The following GCKR variants were observed in gnomAD, a reference collection of about 807,000 sequenced individuals.
GCKR encodes glucokinase regulatory protein.
Under a neutral mutation model 82.9 loss-of-function variants are expected in GCKR, and 73 were observed. The ratio of observed to expected loss-of-function variants is 0.88; its 90% CI spans 0.73 to 1.07. The LOEUF (loss-of-function observed/expected upper bound fraction) is 1.07. Ranked by LOEUF, GCKR falls within the 50% of genes least tolerant of loss-of-function variation. The probability of loss-of-function intolerance (pLI) is 0.00; values close to 1 mark genes in which losing one functional copy is unlikely to be tolerated. For missense variants in GCKR, 784 were observed against 782.1 expected (o/e 1.00, Z -0.03); for synonymous variants, 294 against 291.8 (o/e 1.01, Z -0.08).
chr2:27,512,571 G>C (rs966705071), intron 16 of GCKR, among the ~76,000 whole-genome samples: 4 of 151,578 alleles, frequency 2.6e-5, no homozygotes, highest in Non-Finnish European at 5.9e-5. Context: ...GGAGATGCCT[G>C]ATATGTTATA....
At chr2:27,497,723 C>G (rs554607486) in intron 3 of GCKR, 93 bp downstream of exon 3, 15 of 799,210 alleles carry the variant, frequency 1.9e-5, no homozygotes, top group African/African-American at 5.1e-5. Flanking sequence ...AGATCTCATT[C>G]TCCTTTCTCC....
rs775960536 is a variant in GCKR, at chr2:27,501,221, C to T, written c.636C>T (p.Ser212=). 1 of 1,610,294 alleles carries T rather than the reference C, an allele frequency of 6.2e-7. No homozygotes were observed. The highest frequency in any genetic ancestry group is 8.5e-7 in the Non-Finnish European group (1 of 1,176,476). ...TCCTGGTTGGCTTCAATCCAGTGAG[C>T]ATGGCCAGGTGAGCCTTCTGGAATG... ...LPVLVGFNPV[S]MARNDPIEDW... Residue 212 remains serine, a synonymous_variant, in exon 8 of 19, where the codon AGC becomes AGT. Transcript: ENST00000264717.
Position 27,506,580 on chromosome 2 carries a change from G to C in GCKR, c.968+1G>C, listed in dbSNP as rs1669751781. Reference sequence around the variant, plus strand: ...CCCTGATGAAGAGTGTCAGCACCAGGTGTGTGGATATGTGTTTAGAGGTGA... The same window carrying C: ...CCCTGATGAAGAGTGTCAGCACCAGCTGTGTGGATATGTGTTTAGAGGTGA... On this transcript the variant is annotated splice_donor_variant, in intron 11 of 18. Coordinates refer to ENST00000264717, the MANE Select transcript of GCKR (RefSeq NM_001486.4). LOFTEE classifies it high-confidence loss of function. 12 of 1,599,148 alleles carry C rather than the reference G, an allele frequency of 7.5e-6. No individual in the cohort carries two copies. The highest frequency in any genetic ancestry group is 1.1e-5 in the South Asian group (1 of 90,786).
intron 17 of GCKR, among the ~76,000 whole-genome samples, chr2:27,519,448 C>T (rs1339933827): frequency 6.6e-6 from 1 of 151,896 alleles, no homozygotes; most frequent in Admixed American, 6.6e-5. Flanking sequence ...ATTACAGGCA[C>T]CCCCCACCAT....
chr2:27,502,659 G>A (rs562255279), intron 8 of GCKR, among the ~76,000 whole-genome samples: 4 of 152,264 alleles, frequency 2.6e-5, no homozygotes, highest in African/African-American at 9.6e-5. Context: ...AGAATGACAG[G>A]AGACATTTTA....
At position 27,503,576 on chromosome 2, in the gene GCKR, T is replaced by C; in HGVS notation, c.707T>C (p.Met236Thr). The stretch of plus-strand genomic sequence containing the variant: ...CAAGTAGCAGAGCGGATGCAGAAAA[T>C]GCAGGAGAAACAGAAAGCTTTTGTG... Reference protein sequence around the residue: ...FRQVAERMQKMQEKQKAFVLN... With the variant: ...FRQVAERMQKTQEKQKAFVLN... Residue 236 changes from methionine to threonine, a missense_variant, in exon 9 of 19, where the codon ATG (methionine) becomes ACG (threonine). Coordinates refer to ENST00000264717, the MANE Select transcript of GCKR (RefSeq NM_001486.4). 1 of 1,611,558 alleles carries C rather than the reference T, an allele frequency of 6.2e-7. No homozygotes were observed. The highest frequency in any genetic ancestry group is 8.5e-7 in the Non-Finnish European group (1 of 1,177,738).
chr2:27,505,703 T>C lies in GCKR; in HGVS notation c.751-15T>C, dbSNP rs778159934. On this transcript the variant is annotated splice_polypyrimidine_tract_variant and intron_variant, in intron 9 of 18. Coordinates refer to ENST00000264717, the MANE Select transcript of GCKR (RefSeq NM_001486.4). ...ATCCTCTCCCAATTCCTCTTGGGTG[T>C]CTTCACCTCTTCAGCCCGAGGGTCT... 1.7e-5 allele frequency: 24 copies of C among 1,438,130 alleles called. No individual in the cohort carries two copies. The highest frequency in any genetic ancestry group is 2.4e-5 in the Non-Finnish European group (24 of 1,020,634). 89.1% of individuals were successfully genotyped at this position (1,438,130 alleles called of 1,614,324 possible).
intron 16 of GCKR, among the ~76,000 whole-genome samples, chr2:27,509,065 C>T: frequency 6.6e-6 from 1 of 152,146 alleles, no homozygotes; most frequent in East Asian, 1.9e-4. Flanking sequence ...CGGTCTAGCT[C>T]TACAGTGTGG....
At chr2:27,503,480 C>A (rs569337877) in intron 8 of GCKR, 34 bp from the exon 9 acceptor site, 22 of 1,128,676 alleles carry the variant, frequency 1.9e-5, no homozygotes, top group Non-Finnish European at 1.8e-5. Flanking sequence ...TCCTCATAGA[C>A]AATCTCCCCA....
At chr2:27,502,742 T>C (rs1402106282) in intron 8 of GCKR, among the ~76,000 whole-genome samples, 1 of 152,114 alleles carries the variant, frequency 6.6e-6, no homozygotes, top group Non-Finnish European at 1.5e-5. Flanking sequence ...ACAAAAATAG[T>C]TCAAGAAGGG....
rs757507939 is a variant in GCKR, at chr2:27,506,820, G to A, written c.1001G>A (p.Gly334Asp). 3.1e-6 allele frequency: 5 copies of A among 1,613,550 alleles called. No homozygotes were observed. The highest frequency in any genetic ancestry group is 4.2e-6 in the Non-Finnish European group (5 of 1,179,474). Residue 334 changes from glycine to aspartate, a missense_variant, in exon 12 of 19, where the codon GGC becomes GAC. Physicochemically the swap from Gly to Asp is moderately conservative, Grantham distance 94. Transcript: ENST00000264717. ...AAGAAAGGCCACGTGTACCTGGTTGGCTGGCAGACCCTGGGCATCATTGCC... is the reference window on the plus strand; with the variant it reads ...AAGAAAGGCCACGTGTACCTGGTTGACTGGCAGACCCTGGGCATCATTGCC... ...LEKKGHVYLV[G>D]WQTLGIIAIM... is the part of the protein sequence containing the mutation.
At position 27,507,262 on chromosome 2, in the gene GCKR, T is replaced by C. The variant is rs1046150213; in HGVS notation, c.1094T>C (p.Ile365Thr). 6 of 1,612,816 alleles carry C rather than the reference T, an allele frequency of 3.7e-6. No homozygotes were observed. Among genetic ancestry groups the C allele is most frequent in the African/African-American group, 1.3e-5 (1 of 74,886 alleles). The stretch of plus-strand genomic sequence containing the variant: ...TTCCGAGATGTCCGTGGCTTTCTCA[T>C]TGGTGATCACAGTGACATGTTTAAC... ...ADFRDVRGFL[I>T]GDHSDMFNQK... Residue 365 changes from isoleucine to threonine, a missense_variant, in exon 13 of 19, where the codon ATT becomes ACT. Physicochemically the swap from Ile to Thr is moderately conservative, Grantham distance 89. Coordinates refer to ENST00000264717, the MANE Select transcript of GCKR (RefSeq NM_001486.4).
chr2:27,517,501 T>A (rs1378078978), intron 16 of GCKR, among the ~76,000 whole-genome samples: 2 of 152,136 alleles, frequency 1.3e-5, no homozygotes, highest in African/African-American at 4.8e-5. Context: ...GAGAACTCAC[T>A]ATCCCAAGAA....
chr2:27,518,820 G>A lies in GCKR; in HGVS notation c.1455G>A (p.Val485=), dbSNP rs1670076255. ...KFQRELSTKW[V]LNTVSTGAHV... Reference sequence around the variant, plus strand: ...AGCGTGAGCTAAGCACCAAATGGGTGCTGAATACAGTGAGTACAGGTGCTC... The same window carrying A: ...AGCGTGAGCTAAGCACCAAATGGGTACTGAATACAGTGAGTACAGGTGCTC... Residue 485 remains valine, a synonymous_variant, in exon 17 of 19, where the codon GTG becomes GTA. Coordinates refer to ENST00000264717, the MANE Select transcript of GCKR (RefSeq NM_001486.4). The A allele has an allele frequency of 1.2e-6, 2 of 1,613,138 alleles. No homozygotes were observed. Among genetic ancestry groups the A allele is most frequent in the South Asian group, 1.1e-5 (1 of 91,072 alleles).
At chr2:27,515,067 TC>T (rs1669971586) in intron 16 of GCKR, among the ~76,000 whole-genome samples, 1 of 152,148 alleles carries the variant, frequency 6.6e-6, no homozygotes, top group Non-Finnish European at 1.5e-5. Flanking sequence ...AACCTCTGCC[TC>T]CCAGGTTCAA....
intron 13 of GCKR, 69 bp from the exon 14 acceptor site, chr2:27,507,612 C>A: frequency 1.2e-6 from 1 of 858,950 alleles, no homozygotes; most frequent in Admixed American, 1.7e-5. Flanking sequence ...CCACGGCCCC[C>A]TTTAGTCCTC....
At chr2:27,522,897 GTTTTTTTTT>G (rs34507360) in intron 18 of GCKR, among the ~76,000 whole-genome samples, 1 of 134,970 alleles carries the variant, frequency 7.4e-6, no homozygotes, top group East Asian at 2.1e-4. Context: ...CCAGGGTTCT[GTTTTTTTTT>G]TTTTTTTGAG....
At position 27,499,463 on chromosome 2, in the gene GCKR, A is replaced by G. The variant is rs771943495; in HGVS notation, c.549+13A>G. ...TGTGGGACTCTCTGTGAGTAAAAAG[A>G]TGGGTTGAGTGGATCAATTTTAGAG... On this transcript the variant is annotated intron_variant, in intron 7 of 18. Transcript: ENST00000264717. 2 of 1,581,138 alleles carry G rather than the reference A, an allele frequency of 1.3e-6. No homozygotes were observed. The highest frequency in any genetic ancestry group is 1.7e-5 in the Admixed American group (1 of 59,976).
Position 27,508,068 on chromosome 2 carries a change from C to A in GCKR, c.1332C>A (p.Thr444=). The A allele has an allele frequency of 1.2e-6, 2 of 1,612,744 alleles. No individual in the cohort carries two copies. Among genetic ancestry groups the A allele is most frequent in the South Asian group, 2.2e-5 (2 of 91,054 alleles). Residue 444 remains threonine (T), a synonymous_variant, in exon 15 of 19, where the codon ACC becomes ACA. Coordinates refer to ENST00000264717, the MANE Select transcript of GCKR (RefSeq NM_001486.4). ...TGGCACACAGCACCGTGGGTCAGAC[C>A]TTGCTGGTGAGAGTCCAGCCGTGAC... ...QALAHSTVGQ[T]LLIPLKKLFP...
Sources: gnomAD v4.1 joint callset for allele counts (sites outside exome capture counted in the v4.1 genomes callset) on GRCh38, gnomAD v4.1.1 for gene constraint, MANE v1.5 for transcripts, NCBI Gene and HGNC (gene_info 2026-07-23, HGNC 2026-07-21) for gene names.